The following ARID1A variants were observed in gnomAD, a reference collection of about 807,000 sequenced individuals.
ARID1A encodes the protein AT-rich interaction domain 1A.
ARID1A carries 20 observed loss-of-function variants against 212.6 expected under a neutral mutation model. That is an observed-to-expected ratio of 0.09 (90% CI 0.07 to 0.14). ARID1A has a LOEUF of 0.14. Ranked by LOEUF, ARID1A falls within the 10% of genes least tolerant of loss-of-function variation. ARID1A has a pLI of 1.00. For missense variants in ARID1A, 2,587 were observed against 3,059.0 expected, an observed-to-expected ratio of 0.85 and a Z score of 3.64; for synonymous variants, 1,376 against 1,222.1, an observed-to-expected ratio of 1.13 and a Z score of -2.63.
chr1:26,730,331 T>G (rs1460580905), intron 2 of ARID1A, among the ~76,000 whole-genome samples: 2 of 152,234 alleles, frequency 1.3e-5, no homozygotes, highest in Non-Finnish European at 2.9e-5. Context: ...GAAAAGATGT[T>G]AACAGCATTG....
chr1:26,772,411 C>T (rs2124103012), intron 12 of ARID1A, 89 bp from the exon 13 acceptor site: 1 of 1,580,634 alleles, frequency 6.3e-7, no homozygotes. Flanking sequence ...AGAACTTTCC[C>T]AAAGAGATTC....
rs2124109973 is a variant in ARID1A, at chr1:26,773,327, C to G, written c.3716-19C>G. On this transcript the variant is annotated intron_variant, in intron 14 of 19. Transcript: ENST00000324856. ...TGTCAACTTACCAGTTTGTTCACCGCTTGCCTTTCTACGCTCAGCTCCAGG... is the reference window on the plus strand; with the variant it reads ...TGTCAACTTACCAGTTTGTTCACCGGTTGCCTTTCTACGCTCAGCTCCAGG... The G allele has an allele frequency of 6.4e-7, 1 of 1,552,136 alleles. No individual in the cohort carries two copies. Among genetic ancestry groups the G allele is most frequent in the East Asian group, 2.3e-5 (1 of 44,374 alleles).
chr1:26,749,666 C>T (rs1290142307), intron 4 of ARID1A, among the ~76,000 whole-genome samples: 6 of 152,194 alleles, frequency 3.9e-5, no homozygotes, highest in Non-Finnish European at 7.3e-5. Context: ...AGCACGTTCT[C>T]GTATTTTCAC....
chr1:26,726,678 G>T (rs2080622755), intron 1 of ARID1A, among the ~76,000 whole-genome samples: 1 of 152,088 alleles, frequency 6.6e-6, no homozygotes, highest in Admixed American at 6.5e-5. Flanking sequence ...TTTGGAATAG[G>T]ACAGCATTGC....
At chr1:26,700,533 A>G (rs1254010092) in intron 1 of ARID1A, among the ~76,000 whole-genome samples, 1 of 152,236 alleles carries the variant, frequency 6.6e-6, no homozygotes, top group East Asian at 1.9e-4. Context: ...ACTTACACAC[A>G]TGAAGTTGAT....
chr1:26,765,612 T>G (rs891738389), intron 8 of ARID1A: 3 of 151,908 alleles, frequency 2.0e-5, no homozygotes, highest in Non-Finnish European at 4.4e-5. Context: ...TGCCTGTAAT[T>G]CCAGCATTTT....
At position 26,696,906 on chromosome 1, in the gene ARID1A, T is replaced by A. The variant is rs1268250333; in HGVS notation, c.503T>A (p.Val168Asp). The A allele has an allele frequency of 7.2e-7, 1 of 1,390,646 alleles. No homozygotes were observed. The highest frequency in any genetic ancestry group is 9.3e-7 in the Non-Finnish European group (1 of 1,073,456). 86.1% of individuals were successfully genotyped at this position (1,390,646 alleles called of 1,614,324 possible). A position where few individuals can be genotyped will look rare whatever the true frequency, so the allele number is the denominator to read the frequency against. ...PSAVAAAAAA[V>D]FHQQHGGQQS... ...GCCGTCGCCGCCGCCGCGGCCGCCG[T>A]CTTCCACCAACAACATGGCGGACAA... Residue 168 changes from valine to aspartate, a missense_variant, in exon 1 of 20, where the codon GTC becomes GAC. This residue lies in a region of ARID1A where 735 missense variants were observed against 590.6 expected (regional missense o/e 1.24). Transcript: ENST00000324856.
At chr1:26,701,124 A>G (rs1465303737) in intron 1 of ARID1A, among the ~76,000 whole-genome samples, 1 of 152,206 alleles carries the variant, frequency 6.6e-6, no homozygotes, top group African/African-American at 2.4e-5. Context: ...CCTTTTGCAA[A>G]GAGGTTAGTG....
At chr1:26,773,254 A>C (rs1368343471) in intron 14 of ARID1A, 92 bp from the exon 15 acceptor site, 3 of 1,476,486 alleles carry the variant, frequency 2.0e-6, no homozygotes, top group Admixed American at 2.3e-5. Context: ...AATGAGATCA[A>C]ACCTGAACTC....
Position 26,729,749 on chromosome 1 carries a change from G to A in ARID1A, c.1236G>A (p.Gln412=), listed in dbSNP as rs200453229. 1.2e-4 allele frequency: 195 copies of A among 1,614,122 alleles called. No individual in the cohort carries two copies. Among genetic ancestry groups the A allele is most frequent in the Non-Finnish European group, 1.6e-4 (185 of 1,180,042 alleles). Residue 412 remains glutamine, a synonymous_variant, in exon 2 of 20, where the codon CAG becomes CAA. Coordinates refer to ENST00000324856, the MANE Select transcript of ARID1A (RefSeq NM_006015.6). Reference sequence around the variant, plus strand: ...AACAGGGACCTCCGTCAGGACCGCAGCAAGGACATGGGTACCCAGGGCAGC... The same window carrying A: ...AACAGGGACCTCCGTCAGGACCGCAACAAGGACATGGGTACCCAGGGCAGC... ...SQQQGPPSGP[Q]QGHGYPGQPY...
At position 26,707,070 on chromosome 1, in the gene ARID1A, CCAGGCTGGAGTG is replaced by C. The variant is rs1430674759; in HGVS notation, c.1137+9534_1137+9545del. On this transcript the variant is annotated intron_variant, in intron 1 of 19. Coordinates refer to ENST00000324856, the MANE Select transcript of ARID1A (RefSeq NM_006015.6). ...TTTAGACGGAGTCTTGCTCTGTCAC[CCAGGCTGGAGTG>C]CAGTGCAGTGGGGCAATTTCAGCTC... Among the ~76,000 whole-genome samples the C allele has an allele frequency of 9.2e-5, 14 of 152,038 alleles. No individual in the cohort carries two copies. In the East Asian group the frequency reaches 2.7e-3, roughly 29 times the overall value.
At chr1:26,748,404 A>C (rs944525540) in intron 4 of ARID1A, among the ~76,000 whole-genome samples, 5 of 152,198 alleles carry the variant, frequency 3.3e-5, no homozygotes, top group African/African-American at 1.2e-4. Flanking sequence ...ATTATAGCTG[A>C]TGATCTTCAT....
intron 1 of ARID1A, among the ~76,000 whole-genome samples, chr1:26,717,294 G>A (rs534471998): frequency 6.6e-6 from 1 of 152,368 alleles, no homozygotes; most frequent in African/African-American, 2.4e-5. Context: ...TGCAGAGAGA[G>A]AAGTATTGTG....
intron 4 of ARID1A, among the ~76,000 whole-genome samples, chr1:26,733,545 T>C (rs1303455506): frequency 2.0e-5 from 3 of 152,284 alleles, no homozygotes; most frequent in Admixed American, 1.3e-4. Flanking sequence ...TCAGAGGGCA[T>C]TGGGACTGTG....
chr1:26,714,980 A>G (rs2080488166), intron 1 of ARID1A, among the ~76,000 whole-genome samples: 1 of 152,212 alleles, frequency 6.6e-6, no homozygotes, highest in Non-Finnish European at 1.5e-5. Flanking sequence ...TTCAGTTCCT[A>G]CAGCTCAGTG....
chr1:26,741,280 T>C (rs898934181), intron 4 of ARID1A, among the ~76,000 whole-genome samples: 1 of 152,220 alleles, frequency 6.6e-6, no homozygotes, highest in Non-Finnish European at 1.5e-5. Flanking sequence ...GTCAAATTTA[T>C]ATTTCAAAGA....
At position 26,779,121 on chromosome 1, in the gene ARID1A, G is replaced by A. The variant is rs780068605; in HGVS notation, c.5223G>A (p.Gln1741=). The part of the protein sequence containing the change: ...LKEYEVGDPG[Q]RTLLDPGRFS... ...AGTATGAGGTGGGTGACCCAGGACA[G>A]AGAACGCTACTGGATCCTGGGAGGT... is the stretch of plus-strand genomic sequence containing the variant. The change falls in exon 20 of 20, where the codon CAG becomes CAA. Residue 1741 remains glutamine (Q), a synonymous_variant. Coordinates refer to ENST00000324856, the MANE Select transcript of ARID1A (RefSeq NM_006015.6). 2.6e-6 allele frequency: 4 copies of A among 1,567,428 alleles called. No homozygotes were observed. The South Asian group carries it at 4.7e-5, about 19-fold the overall frequency.
intron 4 of ARID1A, among the ~76,000 whole-genome samples, chr1:26,750,350 A>T (rs2080873477): frequency 6.6e-6 from 1 of 152,200 alleles, no homozygotes; most frequent in South Asian, 2.1e-4. Context: ...TGTACCTATA[A>T]TGCCAATTCT....
At chr1:26,729,332 C>T in intron 1 of ARID1A, 1 of 364,876 alleles carries the variant, frequency 2.7e-6, no homozygotes, top group Non-Finnish European at 5.2e-6. Context: ...CATAGCAGCA[C>T]CGTCCTCTAC....
Sources: gnomAD v4.1 joint callset for allele counts (sites outside exome capture counted in the v4.1 genomes callset) on GRCh38, gnomAD v4.1.1 for gene constraint, gnomAD v4.1.1 regional missense constraint, MANE v1.5 for transcripts, NCBI Gene and HGNC (gene_info 2026-07-23, HGNC 2026-07-21) for gene names.